Variants in DIAPH3 observed in about 807,000 individuals in gnomAD.
The protein encoded by DIAPH3 is protein diaphanous homolog 3.
A neutral mutation model predicts 144.3 loss-of-function variants in DIAPH3; 117 were observed. That is an observed-to-expected ratio of 0.81 (90% confidence interval 0.70 to 0.95). The LOEUF is 0.95. DIAPH3 is among the 40% of genes least tolerant of loss of function. The pLI is 0.00. For missense variants in DIAPH3, 1,421 were observed against 1,412.7 expected (o/e 1.01, Z -0.09); for synonymous variants, 519 against 488.9 (o/e 1.06, Z -0.81).
chr13:59,698,843 G>A (rs971515765), intron 27 of DIAPH3, among the ~76,000 whole-genome samples: 1 of 152,132 alleles, frequency 6.6e-6, no homozygotes, highest in Admixed American at 6.5e-5. Context: ...CAGCTTACAT[G>A]TGTTCACTGA....
intron 9 of DIAPH3, among the ~76,000 whole-genome samples, chr13:60,005,532 G>C (rs1234132044): frequency 1.3e-5 from 2 of 152,052 alleles, no homozygotes; most frequent in East Asian, 3.9e-4. Flanking sequence ...CCAGGCTGGA[G>C]TGCAGTGGCA....
chr13:59,667,233 C>T (rs1405700908), intron 27 of DIAPH3, among the ~76,000 whole-genome samples: 1 of 152,188 alleles, frequency 6.6e-6, no homozygotes, highest in Non-Finnish European at 1.5e-5. Flanking sequence ...CTCTATCCTT[C>T]CCCGTCATGT....
rs1179277228 is a variant in DIAPH3, at chr13:59,792,481, C to T, written c.3164-17658G>A. ...TTTAATGTTAATATCTAATCCAACA[C>T]CAGGTCCTAAGAGTTCCTTGACCTC... is the stretch of plus-strand genomic sequence containing the variant. On this transcript the variant is annotated intron_variant, in intron 25 of 27. Coordinates refer to ENST00000400324, the MANE Select transcript of DIAPH3 (RefSeq NM_001042517.2). Among the ~76,000 whole-genome samples, 3 of 152,316 alleles carry T rather than the reference C, an allele frequency of 2.0e-5. No individual in the cohort carries two copies. The East Asian group carries it at 5.8e-4, about 29-fold the overall frequency.
At chr13:59,916,312 A>G (rs2047221529) in intron 18 of DIAPH3, 63 bp from the exon 19 acceptor site, 2 of 1,206,710 alleles carry the variant, frequency 1.7e-6, no homozygotes, top group African/African-American at 3.0e-5. Context: ...TTTCAGATGT[A>G]GTTCTATTTA....
Position 59,755,472 on chromosome 13 carries a change from A to C in DIAPH3, c.3319+18717T>G, listed in dbSNP as rs186420618. Among the ~76,000 whole-genome samples the C allele has an allele frequency of 4.1e-4, 62 of 152,314 alleles. 1 individual carries two copies. The highest frequency in any genetic ancestry group is 1.1e-3 in the Admixed American group (17 of 15,300). On this transcript the variant is annotated intron_variant, in intron 27 of 27. Transcript: ENST00000400324. Reference sequence around the variant, plus strand: ...TGATAGATTAGAGAAACGGTTCATCAAAAACAGGATGAAGTTCAATTAAGA... The same window carrying C: ...TGATAGATTAGAGAAACGGTTCATCCAAAACAGGATGAAGTTCAATTAAGA...
At chr13:59,868,860 C>T (rs1466708877) in intron 21 of DIAPH3, among the ~76,000 whole-genome samples, 3 of 152,130 alleles carry the variant, frequency 2.0e-5, no homozygotes, top group Non-Finnish European at 4.4e-5. Context: ...CTTAGCAATA[C>T]GAATTTAATG....
At chr13:59,887,354 T>C (rs2045519866) in intron 20 of DIAPH3, among the ~76,000 whole-genome samples, 1 of 152,084 alleles carries the variant, frequency 6.6e-6, no homozygotes, top group Non-Finnish European at 1.5e-5. Flanking sequence ...ATGATATTAG[T>C]TTCTAGTTTT....
intron 27 of DIAPH3, among the ~76,000 whole-genome samples, chr13:59,761,646 C>T (rs1277842562): frequency 6.6e-6 from 1 of 152,120 alleles, no homozygotes; most frequent in African/African-American, 2.4e-5. Flanking sequence ...GTGACACTAC[C>T]ATTATTGACT....
At position 60,010,649 on chromosome 13, in the gene DIAPH3, C is replaced by G. The variant is rs201731537; in HGVS notation, c.792G>C (p.Met264Ile). ...ATAAGGAAAGGCTCCTCTCCTCACT[C>G]ATAATTCTTTCCAAGCCATACTATA... Reference protein sequence around the residue: ...MNTQYGLERIMSEERSLSLLA... With the variant: ...MNTQYGLERIISEERSLSLLA... Residue 264 changes from methionine (M) to isoleucine (I), a missense_variant, in exon 8 of 28, where the codon ATG becomes ATC. Physicochemically the swap from Met to Ile is conservative, Grantham distance 10. Transcript: ENST00000400324. 114 of 1,613,524 alleles carry G rather than the reference C, an allele frequency of 7.1e-5. 1 individual carries two copies. In the East Asian group the frequency reaches 2.4e-3, roughly 33 times the overall value.
At position 59,924,798 on chromosome 13, in the gene DIAPH3, T is replaced by C. The variant is rs746976055; in HGVS notation, c.2147A>G (p.Asp716Gly). 6.2e-7 allele frequency: 1 copy of C among 1,602,272 alleles called. No homozygotes were observed. The highest frequency in any genetic ancestry group is 8.5e-7 in the Non-Finnish European group (1 of 1,171,848). ...ACAAAGGTTCTGGGCAATTTTAGAA[T>C]CTAAAAACTTAAGTTCTTTAATTTT... ...KKKIKELKFL[D>G]SKIAQNLSIF... The change falls in exon 18 of 28, where the codon GAT becomes GGT. Residue 716 changes from aspartate (D) to glycine (G), a missense_variant. Physicochemically the swap from Asp to Gly is moderately conservative, Grantham distance 94. Transcript: ENST00000400324.
chr13:59,774,242 C>T lies in DIAPH3; in HGVS notation c.3266G>A (p.Arg1089Gln), dbSNP rs759456145. The T allele has an allele frequency of 1.6e-5, 25 of 1,611,512 alleles. No homozygotes were observed. The highest frequency in any genetic ancestry group is 3.3e-5 in the Admixed American group (2 of 59,880). Residue 1089 changes from arginine (R) to glutamine (Q), a missense_variant, in exon 27 of 28, where the codon CGG becomes CAG. Physicochemically the swap from Arg to Gln is conservative, Grantham distance 43. Transcript: ENST00000400324. ...CTGAGACATTGGACTGAGACTCTGC[C>T]GAACATCTGTTAAAAAAAAAAATAA... ...RKRTPMPKDV[R>Q]QSLSPMSQRP...
chr13:60,077,440 C>T (rs1299118175), intron 4 of DIAPH3, among the ~76,000 whole-genome samples: 1 of 151,936 alleles, frequency 6.6e-6, no homozygotes, highest in African/African-American at 2.4e-5. Flanking sequence ...TAATATGAGC[C>T]TCCCAGTAAA....
intron 1 of DIAPH3, among the ~76,000 whole-genome samples, chr13:60,142,922 TC>T (rs2059461336): frequency 1.4e-5 from 2 of 147,830 alleles, no homozygotes; most frequent in Admixed American, 1.4e-4. Context: ...ATTTTTTTTT[TC>T]TTTTTTTTTT....
intron 5 of DIAPH3, among the ~76,000 whole-genome samples, chr13:60,032,699 G>A (rs1013633399): frequency 3.9e-5 from 6 of 152,206 alleles, no homozygotes; most frequent in Non-Finnish European, 7.3e-5. Flanking sequence ...GGGAGGGGCT[G>A]CCAAAGGTCT....
At chr13:59,747,739 T>C (rs2036778991) in intron 27 of DIAPH3, among the ~76,000 whole-genome samples, 1 of 152,210 alleles carries the variant, frequency 6.6e-6, no homozygotes, top group South Asian at 2.1e-4. Context: ...CAAATTTGAA[T>C]GACATCTATG....
At chr13:59,909,186 A>G (rs930561539) in intron 20 of DIAPH3, among the ~76,000 whole-genome samples, 1 of 152,194 alleles carries the variant, frequency 6.6e-6, no homozygotes, top group Non-Finnish European at 1.5e-5. Context: ...AATTATAACC[A>G]ATTTCTTAAA....
chr13:59,978,955 T>C (rs1040723968), intron 14 of DIAPH3, among the ~76,000 whole-genome samples: 1 of 151,710 alleles, frequency 6.6e-6, no homozygotes, highest in African/African-American at 2.4e-5. Flanking sequence ...TTTTCAAATT[T>C]ATGCACCAAA....
chr13:59,808,060 A>G (rs1396178181), intron 25 of DIAPH3, among the ~76,000 whole-genome samples: 1 of 151,764 alleles, frequency 6.6e-6, no homozygotes, highest in Non-Finnish European at 1.5e-5. Flanking sequence ...CATATTATAA[A>G]TAATCAAAAC....
At chr13:60,084,007 C>CAGACAGAT (rs1157135465) in intron 4 of DIAPH3, among the ~76,000 whole-genome samples, 4 of 136,460 alleles carry the variant, frequency 2.9e-5, no homozygotes, top group South Asian at 2.5e-4. Context: ...GATAGATAGA[C>CAGACAGAT]AGATAGATAG....
Sources: allele counts gnomAD v4.1 joint callset (sites outside exome capture counted in the v4.1 genomes callset), GRCh38; gene constraint gnomAD v4.1.1; transcripts MANE v1.5; gene names NCBI Gene and HGNC (gene_info 2026-07-23, HGNC 2026-07-21).